ACAN: variants seen among roughly 807,000 people sequenced by gnomAD.
ACAN encodes aggrecan.
Under a neutral mutation model 169.1 loss-of-function variants are expected in ACAN, and 47 were observed. The observed-to-expected ratio is 0.28, with a 90% CI of 0.22 to 0.35. The LOEUF (loss-of-function observed/expected upper bound fraction) is 0.35, where lower values mean the gene tolerates loss of function less well. ACAN is among the 10% of genes least tolerant of loss of function. The pLI, the probability that ACAN is intolerant of heterozygous loss-of-function variation, is 1.00. For synonymous variants in ACAN, 1,115 were observed against 1,112.2 expected (o/e 1.00, Z -0.05); for missense variants, 2,716 against 2,759.9 (o/e 0.98, Z 0.36).
At chr15:88,850,793 A>C (rs1204550316) in intron 10 of ACAN, 1 of 151,924 alleles carries the variant, frequency 6.6e-6, no homozygotes, top group Non-Finnish European at 1.5e-5. Context: ...AAAGTGCAAA[A>C]ATTAGCCTAG....
intron 1 of ACAN, among the ~76,000 whole-genome samples, chr15:88,833,407 G>A (rs538364054): frequency 1.2e-4 from 18 of 151,958 alleles, no homozygotes; most frequent in Admixed American, 9.8e-4. Context: ...CAGGCTCCCC[G>A]TCCCCTTCCT....
rs898831468 is a variant in ACAN at position 88,873,373 on chromosome 15, T to C, written c.7447+348T>C. Among the ~76,000 whole-genome samples, 1 of 152,216 alleles carries C rather than the reference T, an allele frequency of 6.6e-6. No homozygotes were observed. The highest frequency in any genetic ancestry group is 2.4e-5 in the African/African-American group (1 of 41,458). ...CCCCAGATGGGGAGCCTCCCTGTCTTTGGGATTCCCAAGGCCATCAATCAC... is the reference window on the plus strand; with the variant it reads ...CCCCAGATGGGGAGCCTCCCTGTCTCTGGGATTCCCAAGGCCATCAATCAC... On this transcript the variant is annotated intron_variant, in intron 17 of 18. Coordinates refer to ENST00000560601, the MANE Select transcript of ACAN (RefSeq NM_001369268.1). This position sits in a 1 kb window ranked among gnomAD's most constrained non-coding sequence, Gnocchi z 7.5.
In ACAN at chr15:88,858,584, G is replaced by A. The variant is rs367930275; in HGVS notation, c.5999G>A (p.Gly2000Asp). ...ATAGAGCCCAGCGGAGAGCCACCAG[G>A]TACTCCATATTTTAGTGGGGATTTT... ...GLIEPSGEPP[G>D]TPYFSGDFAS... Residue 2000 changes from glycine (G) to aspartate (D), a missense_variant, in exon 12 of 19, where the codon GGT becomes GAT. Gly to Asp is a moderately conservative substitution (Grantham distance 94, BLOSUM62 -1). Coordinates refer to ENST00000560601, the MANE Select transcript of ACAN (RefSeq NM_001369268.1). The surrounding 1 kb of genome is among the most constrained non-coding windows in gnomAD (Gnocchi z 4.0). The A allele has an allele frequency of 5.9e-5, 95 of 1,613,764 alleles. No homozygotes were observed. Among genetic ancestry groups the A allele is most frequent in the Non-Finnish European group, 8.1e-5 (95 of 1,179,900 alleles).
chr15:88,822,369 T>C (rs1896098663), intron 1 of ACAN, among the ~76,000 whole-genome samples: 2 of 152,172 alleles, frequency 1.3e-5, no homozygotes, highest in African/African-American at 2.4e-5. Flanking sequence ...CCTGAAATCA[T>C]ACAGAAAATC....
chr15:88,863,759 A>G (rs1897240348), intron 13 of ACAN, among the ~76,000 whole-genome samples: 2 of 152,226 alleles, frequency 1.3e-5, no homozygotes, highest in Admixed American at 1.3e-4. Context: ...TATCCTTGAG[A>G]AAGAAATGTT....
At chr15:88,835,239 G>A (rs1301681978) in intron 1 of ACAN, among the ~76,000 whole-genome samples, 1 of 152,056 alleles carries the variant, frequency 6.6e-6, no homozygotes, top group African/African-American at 2.4e-5. Context: ...TAAAACACAC[G>A]TGATCTCTGG....
Position 88,856,988 on chromosome 15 carries a change from G to C in ACAN, c.4403G>C (p.Ser1468Thr). The C allele has an allele frequency of 5.6e-6, 9 of 1,613,526 alleles. No individual in the cohort carries two copies. The highest frequency in any genetic ancestry group is 6.8e-6 in the Non-Finnish European group (8 of 1,179,758). ...TCTACCTCTGCGGTAGGGGACCTCA[G>C]TGGACTTCCTTCTGGAGGAGAAGTT... ...ETSTSAVGDLSGLPSGGEVLE... is the reference protein window; with the variant it reads ...ETSTSAVGDLTGLPSGGEVLE... Residue 1468 changes from serine to threonine, a missense_variant, in exon 12 of 19, where the codon AGT becomes ACT. Around this residue, in one of 3 missense-constraint regions of ACAN, gnomAD observed 1,389 missense variants for 1,363.7 expected, o/e 1.02. Coordinates refer to ENST00000560601, the MANE Select transcript of ACAN (RefSeq NM_001369268.1).
chr15:88,850,929 G>C (rs1396952856), intron 10 of ACAN: 1 of 148,062 alleles, frequency 6.8e-6, no homozygotes, highest in African/African-American at 2.6e-5. Context: ...GGGCAGCAGA[G>C]CAAGACTCTG....
At chr15:88,805,522 A>T (rs1234008193) in intron 1 of ACAN, among the ~76,000 whole-genome samples, 3 of 152,204 alleles carry the variant, frequency 2.0e-5, no homozygotes, top group East Asian at 3.8e-4. Context: ...TCTTACGTGT[A>T]GTTTCTAGTG....
chr15:88,871,320 C>A lies in ACAN; in HGVS notation c.7061-62C>A. ...GCAGGAACCTATGCCATAAGACTGG[C>A]AGCATCTGCCATCCCCTGGTGGCCT... is the stretch of plus-strand genomic sequence containing the variant. On this transcript the variant is annotated intron_variant, in intron 14 of 18. Coordinates refer to ENST00000560601, the MANE Select transcript of ACAN (RefSeq NM_001369268.1). This position sits in a 1 kb window ranked among gnomAD's most constrained non-coding sequence, Gnocchi z 7.8. The A allele has an allele frequency of 4.4e-6, 7 of 1,606,158 alleles. No individual in the cohort carries two copies. Among genetic ancestry groups the A allele is most frequent in the Non-Finnish European group, 6.0e-6 (7 of 1,176,176 alleles).
chr15:88,827,235 G>A (rs56071466), intron 1 of ACAN, among the ~76,000 whole-genome samples: 75,703 of 151,886 alleles, frequency 0.5, 19,228 homozygotes, highest in Middle Eastern at 0.56. Context: ...CCGTGGAGAC[G>A]GCAGTGGCAG....
chr15:88,810,213 G>A (rs1331810665), intron 1 of ACAN, among the ~76,000 whole-genome samples: 7 of 152,104 alleles, frequency 4.6e-5, no homozygotes, highest in Admixed American at 1.3e-4. Context: ...AAAGGGAAGC[G>A]TCAGATCACA....
intron 13 of ACAN, among the ~76,000 whole-genome samples, chr15:88,863,293 C>T (rs1451149825): frequency 6.6e-6 from 1 of 152,228 alleles, no homozygotes; most frequent in East Asian, 1.9e-4. Flanking sequence ...TCTTTCCCCA[C>T]TTCCATTACT....
At chr15:88,862,715 C>T (rs561243466) in intron 13 of ACAN, among the ~76,000 whole-genome samples, 3 of 152,254 alleles carry the variant, frequency 2.0e-5, no homozygotes, top group East Asian at 3.9e-4. Context: ...GACCACGGAT[C>T]GGCCAGGTGC....
rs1046979964 is a variant in ACAN at position 88,857,891 on chromosome 15, C to A, written c.5306C>A (p.Ala1769Glu). The change falls in exon 12 of 19, where the codon GCA (alanine) becomes GAA (glutamate). Residue 1769 changes from alanine to glutamate, a missense_variant. Around this residue, in one of 3 missense-constraint regions of ACAN, gnomAD observed 1,389 missense variants for 1,363.7 expected, o/e 1.02. Transcript: ENST00000560601. ...SSGQPGISGE[A>E]SGVLYGTSQP... is the part of the protein sequence containing the mutation. ...GGACAACCAGGTATTAGTGGAGAAG[C>A]ATCTGGAGTTCTTTATGGCACTAGT... The A allele has an allele frequency of 1.2e-6, 2 of 1,613,502 alleles. No individual in the cohort carries two copies. The highest frequency in any genetic ancestry group is 3.3e-5 in the Admixed American group (2 of 60,010).
In ACAN at chr15:88,839,968, G is replaced by A. The variant is rs941308888; in HGVS notation, c.455-44G>A. The A allele has an allele frequency of 7.7e-6, 12 of 1,564,912 alleles. No individual in the cohort carries two copies. In the African/African-American group the frequency reaches 1.6e-4, roughly 21 times the overall value. On this transcript the variant is annotated intron_variant, in intron 3 of 18. Transcript: ENST00000560601. The surrounding 1 kb of genome is among the most constrained non-coding windows in gnomAD (Gnocchi z 4.5). ...GAGGGCCTCGGTGATCAGAGACTGT[G>A]CCTGACCAGCTCTTCCGCTTGTGGG...
chr15:88,843,237 G>C lies in ACAN; in HGVS notation c.758-118G>C. 1.1e-6 allele frequency: 1 copy of C among 934,514 alleles called. No individual in the cohort carries two copies. 57.9% of individuals were successfully genotyped at this position (934,514 alleles called of 1,614,324 possible). Reference sequence around the variant, plus strand: ...TCTGAGATGCAGACATATGGGACCAGGACTTTGGGAAGTTAAAGGACTCCC... The same window carrying C: ...TCTGAGATGCAGACATATGGGACCACGACTTTGGGAAGTTAAAGGACTCCC... On this transcript the variant is annotated intron_variant, in intron 5 of 18. Coordinates refer to ENST00000560601, the MANE Select transcript of ACAN (RefSeq NM_001369268.1). This position sits in a 1 kb window ranked among gnomAD's most constrained non-coding sequence, Gnocchi z 4.0.
rs1183183130 is a variant in ACAN at position 88,838,878 on chromosome 15, G to T, written c.286G>T (p.Val96Phe). ...LLVATEGRVR[V>F]NSAYQDKVSL... ...GGTGGCCACTGAAGGGCGCGTGCGG[G>T]TCAACAGTGCCTATCAGGACAAGGT... Residue 96 changes from valine to phenylalanine, a missense_variant, in exon 3 of 19, where the codon GTC becomes TTC. By Grantham distance (50) the Val-to-Phe change is conservative (BLOSUM62 -1). This residue lies in a region of ACAN where 1,283 missense variants were observed against 1,281.5 expected (regional missense o/e 1.00). Coordinates refer to ENST00000560601, the MANE Select transcript of ACAN (RefSeq NM_001369268.1). The surrounding 1 kb of genome is among the most constrained non-coding windows in gnomAD (Gnocchi z 5.1). 5 of 1,613,956 alleles carry T rather than the reference G, an allele frequency of 3.1e-6. No individual in the cohort carries two copies. Among genetic ancestry groups the T allele is most frequent in the Non-Finnish European group, 4.2e-6 (5 of 1,179,922 alleles).
intron 1 of ACAN, among the ~76,000 whole-genome samples, chr15:88,818,493 G>A (rs1423537948): frequency 6.6e-6 from 1 of 152,188 alleles, no homozygotes; most frequent in Non-Finnish European, 1.5e-5. Context: ...CCCAGAGTTG[G>A]CCCCAGTTCC....
Sources: allele counts gnomAD v4.1 joint callset (sites outside exome capture counted in the v4.1 genomes callset), GRCh38; gene constraint gnomAD v4.1.1; regional missense constraint gnomAD v4.1.1; non-coding constraint Gnocchi (gnomAD v3.1); transcripts MANE v1.5; gene names NCBI Gene and HGNC (gene_info 2026-07-23, HGNC 2026-07-21).